Variants in PSD4 observed in about 807,000 individuals in gnomAD.
The protein encoded by PSD4 is PH and SEC7 domain-containing protein 4.
PSD4 carries 59 observed loss-of-function variants against 112.5 expected under a neutral mutation model. The observed-to-expected ratio is 0.52, with a 90% CI of 0.43 to 0.65. The LOEUF (loss-of-function observed/expected upper bound fraction) is 0.65. PSD4 is among the 30% of genes least tolerant of loss of function. PSD4 has a pLI of 0.00. For synonymous variants in PSD4, 533 were observed against 540.0 expected (o/e 0.99, Z 0.18); for missense variants, 1,267 against 1,352.6 (o/e 0.94, Z 0.99).
chr2:113,186,946 T>C (rs1688314661), intron 5 of PSD4, among the ~76,000 whole-genome samples: 1 of 152,210 alleles, frequency 6.6e-6, no homozygotes, highest in African/African-American at 2.4e-5. Flanking sequence ...ATGTGAGTCA[T>C]GTTAATGGGA....
At position 113,187,135 on chromosome 2, in the gene PSD4, G is replaced by A. The variant is rs1345443011; in HGVS notation, c.1628+880G>A. On this transcript the variant is annotated intron_variant, in intron 5 of 16. Transcript: ENST00000245796. ...GCCAGACTGACTTAGCCTGGCCTGG[G>A]ACCAGGAGAACCCCGAGAGGAAGGT... 3.3e-5 allele frequency among the ~76,000 whole-genome samples: 5 copies of A among 152,210 alleles called. No individual in the cohort carries two copies. In the East Asian group the frequency reaches 7.7e-4, roughly 23 times the overall value.
At chr2:113,193,684 A>T in intron 9 of PSD4, 34 bp downstream of exon 9, 1 of 1,600,386 alleles carries the variant, frequency 6.2e-7, no homozygotes, top group East Asian at 2.2e-5. Context: ...GTGGGAACTG[A>T]GGCTGTAACA....
At chr2:113,200,040 G>A (rs1688730886) in intron 16 of PSD4, among the ~76,000 whole-genome samples, 1 of 152,104 alleles carries the variant, frequency 6.6e-6, no homozygotes, top group Non-Finnish European at 1.5e-5. Context: ...TGGCAAAGCT[G>A]GACTTGAACT....
chr2:113,187,496 C>T (rs887158584), intron 5 of PSD4, among the ~76,000 whole-genome samples: 1 of 152,158 alleles, frequency 6.6e-6, no homozygotes, highest in Non-Finnish European at 1.5e-5. Flanking sequence ...CCTCTCCCTT[C>T]CCCCACCTAG....
chr2:113,185,649 C>A (rs2104497439), intron 4 of PSD4: 1 of 1,547,668 alleles, frequency 6.5e-7, no homozygotes, highest in Non-Finnish European at 8.7e-7. Context: ...ACCGCTGGGT[C>A]TTAATGGTTT....
At position 113,199,159 on chromosome 2, in the gene PSD4, C is replaced by A. The variant is rs1344814726; in HGVS notation, c.2846C>A (p.Pro949Gln). The change falls in exon 16 of 17, where the codon CCG becomes CAG. Residue 949 changes from proline (P) to glutamine (Q), a missense_variant. This residue lies in a region of PSD4 where 544 missense variants were observed against 648.6 expected (regional missense o/e 0.84). Transcript: ENST00000245796. ...CTGCTGGATCTACAGAGGAACCTGC[C>A]GGAGCGGCGGGGCCGTGGCCGCGAG... ...DDLLDLQRNLPERRGRGRELE... is the reference protein window; with the variant it reads ...DDLLDLQRNLQERRGRGRELE... The A allele has an allele frequency of 2.6e-6, 4 of 1,527,416 alleles. No homozygotes were observed. Among genetic ancestry groups the A allele is most frequent in the African/African-American group, 1.4e-5 (1 of 69,996 alleles). The allele number at this position is 1,527,416 out of a possible 1,614,324, so 94.6% of individuals were successfully genotyped here.
chr2:113,187,541 A>C (rs1293185941), intron 5 of PSD4, among the ~76,000 whole-genome samples: 1 of 152,138 alleles, frequency 6.6e-6, no homozygotes, highest in Non-Finnish European at 1.5e-5. Flanking sequence ...GTGGTGACCT[A>C]TGACCCAGTG....
chr2:113,185,081 A>T lies in PSD4; in HGVS notation c.1173+8A>T. 1 of 1,614,090 alleles carries T rather than the reference A, an allele frequency of 6.2e-7. No individual in the cohort carries two copies. Among genetic ancestry groups the T allele is most frequent in the African/African-American group, 1.3e-5 (1 of 75,058 alleles). ...CATCCTGTGCAACCTTGGGCAAGTCACTTCCCCTTTCTGGGCCTTACTTTC... is the reference window on the plus strand; with the variant it reads ...CATCCTGTGCAACCTTGGGCAAGTCTCTTCCCCTTTCTGGGCCTTACTTTC... On this transcript the variant is annotated splice_region_variant and intron_variant, in intron 3 of 16. Coordinates refer to ENST00000245796, the MANE Select transcript of PSD4 (RefSeq NM_012455.3).
chr2:113,183,538 G>T, intron 2 of PSD4, 26 bp downstream of exon 2: 1 of 1,511,692 alleles, frequency 6.6e-7, no homozygotes, highest in Non-Finnish European at 8.9e-7. Context: ...GGAACCAACC[G>T]GGGCTGTGCT....
intron 5 of PSD4, among the ~76,000 whole-genome samples, chr2:113,191,751 C>A (rs550481630): frequency 6.6e-6 from 1 of 152,278 alleles, no homozygotes; most frequent in South Asian, 2.1e-4. Flanking sequence ...TAGTGCTGGA[C>A]TGGGAGGTTC....
intron 11 of PSD4, 62 bp from the exon 12 acceptor site, chr2:113,196,085 A>G: frequency 1.3e-6 from 2 of 1,558,262 alleles, no homozygotes; most frequent in Non-Finnish European, 1.8e-6. Context: ...CTGGGAGGCA[A>G]TGGATACCTC....
rs746594567 is a variant in PSD4 at position 113,201,423 on chromosome 2, A to G, written c.*8A>G. On this transcript the variant is annotated 3_prime_UTR_variant, in exon 17 of 17. Coordinates refer to ENST00000245796, the MANE Select transcript of PSD4 (RefSeq NM_012455.3). ...AACCGCAATCAGCTGTGAAGCCAGC[A>G]CCACCTCAGAGACACTGTTCCCTGC... 2 of 1,612,958 alleles carry G rather than the reference A, an allele frequency of 1.2e-6. No homozygotes were observed. The highest frequency in any genetic ancestry group is 1.7e-5 in the Admixed American group (1 of 60,016).
In PSD4 at chr2:113,193,666, G is replaced by C; in HGVS notation, c.2091+16G>C. ...GCATGGACAGGTAAGACGGTGGAGA[G>C]AGTCCCTGTGGGAACTGAGGCTGTA... is the stretch of plus-strand genomic sequence containing the variant. On this transcript the variant is annotated intron_variant, in intron 9 of 16. Transcript: ENST00000245796. 3 of 1,610,498 alleles carry C rather than the reference G, an allele frequency of 1.9e-6. No homozygotes were observed. Among genetic ancestry groups the C allele is most frequent in the Non-Finnish European group, 2.5e-6 (3 of 1,176,682 alleles).
chr2:113,193,277 G>A lies in PSD4; in HGVS notation c.1939G>A (p.Val647Met), dbSNP rs1204902393. 6.3e-7 allele frequency: 1 copy of A among 1,588,706 alleles called. No individual in the cohort carries two copies. The highest frequency in any genetic ancestry group is 8.5e-7 in the Non-Finnish European group (1 of 1,169,590). Residue 647 changes from valine (V) to methionine (M), a missense_variant, in exon 8 of 17, where the codon GTG becomes ATG. Around this residue, in one of 2 missense-constraint regions of PSD4, gnomAD observed 544 missense variants for 648.6 expected, o/e 0.84. Transcript: ENST00000245796. The part of the protein sequence containing the change: ...RALRSFLQAL[V>M]LSGETQERER... ...TTGCAGGAGCTTCCTCCAGGCCTTG[G>A]TGCTCAGTGGGGAGACTCAGGAACG...
intron 5 of PSD4, among the ~76,000 whole-genome samples, chr2:113,187,526 A>T (rs2104499221): frequency 6.6e-6 from 1 of 152,182 alleles, no homozygotes; most frequent in East Asian, 1.9e-4. Flanking sequence ...TGACAAGGAG[A>T]CTGAGTGGTG....
chr2:113,175,478 C>T (rs1687950852), intron 1 of PSD4: 1 of 152,152 alleles, frequency 6.6e-6, no homozygotes, highest in Non-Finnish European at 1.5e-5. Context: ...CAGACAGAGG[C>T]CTCTGTCCTG....
At chr2:113,187,051 A>G (rs1418181428) in intron 5 of PSD4, among the ~76,000 whole-genome samples, 2 of 152,188 alleles carry the variant, frequency 1.3e-5, no homozygotes, top group Non-Finnish European at 2.9e-5. Flanking sequence ...AGCGCCTTGA[A>G]TGGTGGGGCC....
At position 113,199,185 on chromosome 2, in the gene PSD4, C is replaced by G. The variant is rs752636433; in HGVS notation, c.2872C>G (p.Leu958Val). ...LPERRGRGRELEEHRLRKEYL... is the reference protein window; with the variant it reads ...LPERRGRGREVEEHRLRKEYL... ...GGAGCGGCGGGGCCGTGGCCGCGAG[C>G]TGGAGGAGCACCGCCTGCGGAAGGA... is the stretch of plus-strand genomic sequence containing the variant. Residue 958 changes from leucine to valine, a missense_variant, in exon 16 of 17, where the codon CTG (leucine) becomes GTG (valine). Leu to Val is a conservative substitution (Grantham distance 32). This residue lies in a region of PSD4 where 544 missense variants were observed against 648.6 expected (regional missense o/e 0.84). Transcript: ENST00000245796. 1.3e-6 allele frequency: 2 copies of G among 1,523,144 alleles called. No individual in the cohort carries two copies. The highest frequency in any genetic ancestry group is 2.4e-5 in the South Asian group (2 of 82,388). The allele number at this position is 1,523,144 out of a possible 1,614,324, so 94.4% of individuals were successfully genotyped here.
In PSD4 at chr2:113,202,854, G is replaced by A. The variant is rs1041435760; in HGVS notation, c.*1439G>A. Reference sequence around the variant, plus strand: ...CCTTGGAGGCCATGTTTGGGTCTCCGGCCAGGGCCTAGGGCTAGGCCATGC... The same window carrying A: ...CCTTGGAGGCCATGTTTGGGTCTCCAGCCAGGGCCTAGGGCTAGGCCATGC... On this transcript the variant is annotated 3_prime_UTR_variant, in exon 17 of 17. Transcript: ENST00000245796. The A allele has an allele frequency of 1.3e-5, 2 of 152,330 alleles. No homozygotes were observed. The highest frequency in any genetic ancestry group is 2.9e-5 in the Non-Finnish European group (2 of 68,126). The allele number at this position is 152,330 out of a possible 1,614,324, so 9.4% of individuals were successfully genotyped here.
Sources: gnomAD v4.1 joint callset for allele counts (sites outside exome capture counted in the v4.1 genomes callset) on GRCh38, gnomAD v4.1.1 for gene constraint, gnomAD v4.1.1 regional missense constraint, MANE v1.5 for transcripts, NCBI Gene and HGNC (gene_info 2026-07-23, HGNC 2026-07-21) for gene names.